The following ADAM23 variants were observed in gnomAD, a reference collection of about 807,000 sequenced individuals.
The protein encoded by ADAM23 is ADAM metallopeptidase domain 23.
Under a neutral mutation model 120.1 loss-of-function variants are expected in ADAM23, and 33 were observed. The observed-to-expected ratio is 0.27, with a 90% CI of 0.21 to 0.37. ADAM23 has a LOEUF of 0.37. Among genes scored for constraint, ADAM23 ranks in the 10% least tolerant of loss-of-function variants. The pLI is 1.00. For missense variants in ADAM23, 862 were observed against 1,058.2 expected (o/e 0.81, Z 2.57); for synonymous variants, 367 against 375.2 (o/e 0.98, Z 0.25).
intron 18 of ADAM23, among the ~76,000 whole-genome samples, chr2:206,575,373 T>A (rs993926164): frequency 6.6e-6 from 1 of 152,218 alleles, no homozygotes; most frequent in Non-Finnish European, 1.5e-5. Context: ...AGTTAATTCT[T>A]TTCACGATTG....
chr2:206,524,695 G>A (rs146738054), intron 3 of ADAM23, among the ~76,000 whole-genome samples: 4 of 152,298 alleles, frequency 2.6e-5, no homozygotes, highest in Non-Finnish European at 4.4e-5. Context: ...ATCAGATCTC[G>A]TGAGACTTAC....
rs369561193 is a variant in ADAM23, at chr2:206,560,067, C to T, written c.1118C>T (p.Ser373Leu). ...CCTGTGCAGATGCTCCATGAGTTCT[C>T]AAAATACCGGCAGCGCATTAAGCAG... is the stretch of plus-strand genomic sequence containing the variant. ...TNPVQMLHEF[S>L]KYRQRIKQHA... The change falls in exon 11 of 26, where the codon TCA (serine) becomes TTA (leucine). Residue 373 changes from serine to leucine, a missense_variant. Coordinates refer to ENST00000264377, the MANE Select transcript of ADAM23 (RefSeq NM_003812.4). The T allele has an allele frequency of 5.0e-6, 8 of 1,614,180 alleles. No individual in the cohort carries two copies. Among genetic ancestry groups the T allele is most frequent in the Non-Finnish European group, 6.8e-6 (8 of 1,180,016 alleles).
chr2:206,543,112 G>T (rs1324217778), intron 5 of ADAM23, 141 bp from the exon 6 acceptor site: 2 of 704,310 alleles, frequency 2.8e-6, no homozygotes, highest in African/African-American at 3.5e-5. Flanking sequence ...GCAGATATGT[G>T]AATTAAACTT....
At chr2:206,479,788 A>G (rs1333152061) in intron 2 of ADAM23, among the ~76,000 whole-genome samples, 10 of 152,118 alleles carry the variant, frequency 6.6e-5, no homozygotes, top group Admixed American at 3.3e-4. Context: ...TTGGTGTCCT[A>G]TGGCATTAAG....
rs78686558 is a variant in ADAM23 at position 206,614,785 on chromosome 2, A to G, written c.2451-2794A>G. On this transcript the variant is annotated intron_variant, in intron 25 of 25. Transcript: ENST00000264377. ...CTTTTGATTTTTATTGAATTAGGAAATTGAATTAAATTTGGCTAGTCTTTC... is the reference window on the plus strand; with the variant it reads ...CTTTTGATTTTTATTGAATTAGGAAGTTGAATTAAATTTGGCTAGTCTTTC... 7.6e-3 allele frequency among the ~76,000 whole-genome samples: 1,163 copies of G among 152,340 alleles called. 21 individuals are homozygous for G. Among genetic ancestry groups the G allele is most frequent in the African/African-American group, 0.027 (1,109 of 41,568 alleles).
intron 3 of ADAM23, among the ~76,000 whole-genome samples, chr2:206,496,843 A>G (rs1696261593): frequency 6.6e-6 from 1 of 152,242 alleles, no homozygotes; most frequent in African/African-American, 2.4e-5. Flanking sequence ...CCACAGAAAT[A>G]CAAACTACCA....
intron 3 of ADAM23, among the ~76,000 whole-genome samples, chr2:206,522,636 G>A (rs960846729): frequency 4.6e-5 from 7 of 152,058 alleles, no homozygotes; most frequent in Admixed American, 1.3e-4. Flanking sequence ...TTGCTTTATA[G>A]TTATGTTAAT....
intron 3 of ADAM23, among the ~76,000 whole-genome samples, chr2:206,487,042 T>C (rs879915904): frequency 1.3e-5 from 2 of 152,228 alleles, no homozygotes; most frequent in Admixed American, 1.3e-4. Flanking sequence ...AGCTGAGTAA[T>C]ATACCATTAT....
At chr2:206,505,842 T>C (rs1280094304) in intron 3 of ADAM23, among the ~76,000 whole-genome samples, 1 of 152,186 alleles carries the variant, frequency 6.6e-6, no homozygotes, top group Non-Finnish European at 1.5e-5. Context: ...ATAGTTGATT[T>C]CATCTGCATT....
At chr2:206,477,897 A>AAAAAATATATATATATATATATAT (rs374524658) in intron 2 of ADAM23, among the ~76,000 whole-genome samples, 8 of 93,564 alleles carry the variant, frequency 8.6e-5, no homozygotes, top group African/African-American at 1.5e-4. Flanking sequence ...AAAAAAAAAA[A>AAAAAATATATATATATATATATAT]ATATATATAT....
At chr2:206,525,570 C>T (rs1317399117) in intron 3 of ADAM23, among the ~76,000 whole-genome samples, 1 of 151,958 alleles carries the variant, frequency 6.6e-6, no homozygotes, top group African/African-American at 2.4e-5. Context: ...CAAAGAGAAG[C>T]ATATTTTTGT....
chr2:206,461,805 C>T (rs984971939), intron 2 of ADAM23, among the ~76,000 whole-genome samples: 1 of 152,080 alleles, frequency 6.6e-6, no homozygotes, highest in Non-Finnish European at 1.5e-5. Flanking sequence ...TATTCCAAAT[C>T]ATGGTTGCAT....
chr2:206,604,095 T>C (rs950214855), intron 24 of ADAM23, among the ~76,000 whole-genome samples: 4 of 151,914 alleles, frequency 2.6e-5, no homozygotes, highest in Non-Finnish European at 5.9e-5. Context: ...TGAAACCCTG[T>C]CTCTAACTAA....
chr2:206,556,926 G>C (rs918637428), intron 9 of ADAM23, among the ~76,000 whole-genome samples: 2 of 152,070 alleles, frequency 1.3e-5, no homozygotes, highest in Admixed American at 1.3e-4. Context: ...AGACAAGTGG[G>C]TTAAGCCGTT....
At position 206,498,183 on chromosome 2, in the gene ADAM23, G is replaced by A. The variant is rs943222218; in HGVS notation, c.509+16875G>A. Among the ~76,000 whole-genome samples the A allele has an allele frequency of 3.6e-4, 55 of 152,204 alleles. No individual in the cohort carries two copies. The Middle Eastern group carries it at 0.014, about 38-fold the overall frequency. On this transcript the variant is annotated intron_variant, in intron 3 of 25. Transcript: ENST00000264377. ...TTTATATGGAACCAAAAAAGAGCCC[G>A]CATTGCCAAGTCAATCCTAAGCCAA... is the stretch of plus-strand genomic sequence containing the variant.
chr2:206,548,779 T>C (rs1366309434), intron 8 of ADAM23, among the ~76,000 whole-genome samples: 4 of 152,206 alleles, frequency 2.6e-5, no homozygotes. Flanking sequence ...TAATCATACA[T>C]ATTTATATTA....
intron 21 of ADAM23, among the ~76,000 whole-genome samples, chr2:206,590,341 G>A (rs1162737322): frequency 5.3e-5 from 8 of 152,166 alleles, no homozygotes; most frequent in East Asian, 1.9e-4. Context: ...CAAGTGATCC[G>A]CCCTCCTCAG....
intron 3 of ADAM23, among the ~76,000 whole-genome samples, chr2:206,498,230 G>A (rs1296856871): frequency 1.3e-5 from 2 of 152,122 alleles, no homozygotes; most frequent in South Asian, 4.2e-4. Context: ...TGGAGGCATC[G>A]AGCTACTTGA....
chr2:206,526,181 GAC>G lies in ADAM23; in HGVS notation c.510-4696_510-4695del, dbSNP rs1696944861. On this transcript the variant is annotated intron_variant, in intron 3 of 25. Coordinates refer to ENST00000264377, the MANE Select transcript of ADAM23 (RefSeq NM_003812.4). ...ACACACACACACACACACACACACA[GAC>G]ACACACAGACACACGTCTATACACA... is the stretch of plus-strand genomic sequence containing the variant. Among the ~76,000 whole-genome samples the G allele has an allele frequency of 5.7e-5, 7 of 123,188 alleles. No homozygotes were observed. In the South Asian group the frequency reaches 1.9e-3, roughly 33 times the overall value. The allele number at this position is 123,188 out of a possible 152,430, so 80.8% of individuals were successfully genotyped here.
Sources: gnomAD v4.1 joint callset for allele counts (sites outside exome capture counted in the v4.1 genomes callset) on GRCh38, gnomAD v4.1.1 for gene constraint, MANE v1.5 for transcripts, NCBI Gene and HGNC (gene_info 2026-07-23, HGNC 2026-07-21) for gene names.